Variants in PKNOX2 observed in about 807,000 individuals in gnomAD.
PKNOX2 encodes the protein homeobox protein PKNOX2.
PKNOX2 carries 14 observed loss-of-function variants against 53.1 expected under a neutral mutation model. The ratio of observed to expected loss-of-function variants is 0.26; its 90% CI spans 0.17 to 0.41. The LOEUF is 0.41. Among genes scored for constraint, PKNOX2 ranks in the 10% least tolerant of loss-of-function variants. The pLI, the probability that PKNOX2 is intolerant of heterozygous loss-of-function variation, is 1.00. For synonymous variants in PKNOX2, 257 were observed against 242.8 expected, an observed-to-expected ratio of 1.06 and a Z score of -0.54; for missense variants, 496 against 602.8, an observed-to-expected ratio of 0.82 and a Z score of 1.85.
chr11:125,248,862 ATATATATATAACG>A (rs1309989254), intron 2 of PKNOX2, among the ~76,000 whole-genome samples: 2 of 144,788 alleles, frequency 1.4e-5, no homozygotes, highest in South Asian at 2.1e-4. Flanking sequence ...CATATATAAT[ATATATATATAACG>A]TATATATATA....
intron 2 of PKNOX2, among the ~76,000 whole-genome samples, chr11:125,257,779 G>T (rs1944520883): frequency 6.6e-6 from 1 of 152,162 alleles, no homozygotes; most frequent in South Asian, 2.1e-4. Flanking sequence ...TGTCTGTTTT[G>T]TTTCCATTTT....
chr11:125,289,516 G>A (rs1947167769), intron 2 of PKNOX2, among the ~76,000 whole-genome samples: 1 of 152,124 alleles, frequency 6.6e-6, no homozygotes, highest in Admixed American at 6.5e-5. Flanking sequence ...TATATATCAG[G>A]TCATTTTCTT....
chr11:125,379,833 T>G (rs1953102873), intron 5 of PKNOX2, among the ~76,000 whole-genome samples: 1 of 152,182 alleles, frequency 6.6e-6, no homozygotes, highest in Non-Finnish European at 1.5e-5. Context: ...AACGATGGCT[T>G]AAACCCCTGT....
At chr11:125,343,879 G>A (rs958949600) in intron 3 of PKNOX2, among the ~76,000 whole-genome samples, 10 of 152,130 alleles carry the variant, frequency 6.6e-5, no homozygotes, top group Admixed American at 5.2e-4. Flanking sequence ...GGGACTCAAG[G>A]AGGAGAGACT....
At chr11:125,351,235 G>A in intron 3 of PKNOX2, 49 bp from the exon 4 acceptor site, 1 of 833,678 alleles carries the variant, frequency 1.2e-6, no homozygotes, top group Non-Finnish European at 2.0e-6. Context: ...GCCCAGGGCG[G>A]GCCTGCTCAG....
intron 3 of PKNOX2, among the ~76,000 whole-genome samples, chr11:125,334,178 C>T (rs529701013): frequency 6.6e-6 from 1 of 152,320 alleles, no homozygotes; most frequent in East Asian, 1.9e-4. Flanking sequence ...CTCTTCCCTG[C>T]ACTCATGCTA....
intron 5 of PKNOX2, among the ~76,000 whole-genome samples, chr11:125,369,239 C>A (rs1330354934): frequency 6.6e-6 from 1 of 152,180 alleles, no homozygotes; most frequent in African/African-American, 2.4e-5. Flanking sequence ...CCTCCCAGGC[C>A]CAGGAGAGGG....
At chr11:125,291,189 C>G (rs1411898944) in intron 2 of PKNOX2, among the ~76,000 whole-genome samples, 1 of 152,192 alleles carries the variant, frequency 6.6e-6, no homozygotes, top group Non-Finnish European at 1.5e-5. Flanking sequence ...GCCTCACTTT[C>G]CTCGCATGTA....
rs1246868535 is a variant in PKNOX2 at position 125,165,765 on chromosome 11, C to T, written c.-201+989C>T. Among the ~76,000 whole-genome samples, 5 of 152,200 alleles carry T rather than the reference C, an allele frequency of 3.3e-5. No individual in the cohort carries two copies. Among genetic ancestry groups the T allele is most frequent in the Non-Finnish European group, 7.3e-5 (5 of 68,038 alleles). Reference sequence around the variant, plus strand: ...CGAGGCTTGGGAATCGGGAGCCCTTCTGGCTCGAGAACTAGGGGATGAGTT... The same window carrying T: ...CGAGGCTTGGGAATCGGGAGCCCTTTTGGCTCGAGAACTAGGGGATGAGTT... On this transcript the variant is annotated intron_variant, in intron 1 of 12. Coordinates refer to ENST00000298282, the MANE Select transcript of PKNOX2 (RefSeq NM_001382323.2). The surrounding 1 kb of genome is among the most constrained non-coding windows in gnomAD (Gnocchi z 4.5).
intron 10 of PKNOX2, among the ~76,000 whole-genome samples, chr11:125,413,801 G>T (rs1324091713): frequency 6.7e-6 from 1 of 150,328 alleles, no homozygotes; most frequent in Admixed American, 6.6e-5. Flanking sequence ...GAAGACTGTT[G>T]TGAACATACC....
intron 1 of PKNOX2, among the ~76,000 whole-genome samples, chr11:125,212,451 T>TC: frequency 1.2e-4 from 2 of 17,000 alleles, no homozygotes; most frequent in Non-Finnish European, 3.5e-4. Flanking sequence ...AGGGGATTCT[T>TC]TTTTTTTTTT....
chr11:125,326,810 C>A (rs1255155142), intron 2 of PKNOX2, among the ~76,000 whole-genome samples: 2 of 152,194 alleles, frequency 1.3e-5, no homozygotes, highest in African/African-American at 2.4e-5. Context: ...AGAATTTAAA[C>A]CGGTGGCATG....
At chr11:125,429,925 GTGA>G (rs1295363977) in intron 11 of PKNOX2, 35 bp from the exon 12 acceptor site, 1 of 1,595,948 alleles carries the variant, frequency 6.3e-7, no homozygotes, top group Admixed American at 1.7e-5. Context: ...GGCCATGCAG[GTGA>G]TGACTAACCA....
chr11:125,232,901 T>C (rs988950411), intron 1 of PKNOX2, among the ~76,000 whole-genome samples: 9 of 152,146 alleles, frequency 5.9e-5, no homozygotes, highest in African/African-American at 1.9e-4. Context: ...TGTTTTGCAA[T>C]ACTTTTTTTA....
chr11:125,237,484 A>G (rs991264003), intron 2 of PKNOX2, among the ~76,000 whole-genome samples: 1 of 152,200 alleles, frequency 6.6e-6, no homozygotes, highest in South Asian at 2.1e-4. Flanking sequence ...ACAGTCTACC[A>G]CAATTGGTAC....
intron 2 of PKNOX2, chr11:125,288,294 C>A (rs531918254): frequency 3.3e-5 from 5 of 152,262 alleles, no homozygotes; most frequent in Non-Finnish European, 5.9e-5. Flanking sequence ...TGAAAACTAC[C>A]TGGGCCTGAG....
chr11:125,349,087 G>A (rs1433584506), intron 3 of PKNOX2, among the ~76,000 whole-genome samples: 4 of 152,218 alleles, frequency 2.6e-5, no homozygotes, highest in African/African-American at 7.2e-5. Flanking sequence ...GAGTTCCAGG[G>A]AAGGCTATGT....
chr11:125,418,936 G>A (rs911810556), intron 10 of PKNOX2, among the ~76,000 whole-genome samples: 2 of 151,908 alleles, frequency 1.3e-5, no homozygotes, highest in Non-Finnish European at 2.9e-5. Flanking sequence ...ATGTTTGTAG[G>A]TTATATGCAA....
At chr11:125,211,305 TG>T (rs1232054862) in intron 1 of PKNOX2, among the ~76,000 whole-genome samples, 1 of 152,094 alleles carries the variant, frequency 6.6e-6, no homozygotes, top group Admixed American at 6.5e-5. Flanking sequence ...GAGAGAAGGA[TG>T]TATTTTTATG....
Sources: allele counts gnomAD v4.1 joint callset (sites outside exome capture counted in the v4.1 genomes callset), GRCh38; gene constraint gnomAD v4.1.1; non-coding constraint Gnocchi (gnomAD v3.1); transcripts MANE v1.5; gene names NCBI Gene and HGNC (gene_info 2026-07-23, HGNC 2026-07-21).